The following KCNH7 variants were observed in gnomAD, a reference collection of about 807,000 sequenced individuals.
KCNH7 encodes voltage-gated inwardly rectifying potassium channel KCNH7.
A neutral mutation model predicts 120.8 loss-of-function variants in KCNH7; 49 were observed. The ratio of observed to expected loss-of-function variants is 0.41; its 90% CI spans 0.32 to 0.51. KCNH7 has a LOEUF of 0.51. KCNH7 is among the 20% of genes least tolerant of loss of function. The pLI is 0.38. For missense variants in KCNH7, 1,097 were observed against 1,446.6 expected, an observed-to-expected ratio of 0.76 and a Z score of 3.92; for synonymous variants, 547 against 516.1, an observed-to-expected ratio of 1.06 and a Z score of -0.81.
chr2:162,533,076 C>A (rs1389574313), intron 3 of KCNH7, among the ~76,000 whole-genome samples: 2 of 151,442 alleles, frequency 1.3e-5, no homozygotes, highest in East Asian at 3.9e-4. Flanking sequence ...AAATAGGGAA[C>A]CAAAATACAC....
chr2:162,407,316 A>G (rs1687258237), intron 9 of KCNH7, among the ~76,000 whole-genome samples: 1 of 152,060 alleles, frequency 6.6e-6, no homozygotes. Flanking sequence ...TTGATAATGT[A>G]AAGAGTCCTT....
At chr2:162,386,792 C>T (rs1389785403) in intron 12 of KCNH7, among the ~76,000 whole-genome samples, 1 of 151,686 alleles carries the variant, frequency 6.6e-6, no homozygotes, top group Non-Finnish European at 1.5e-5. Flanking sequence ...GGAATCCTTA[C>T]ACATGGTAGA....
intron 2 of KCNH7, among the ~76,000 whole-genome samples, chr2:162,657,795 TA>T (rs1321555964): frequency 6.6e-6 from 1 of 152,102 alleles, no homozygotes; most frequent in Non-Finnish European, 1.5e-5. Flanking sequence ...CATTTAGGTT[TA>T]CGATCTCCAC....
intron 2 of KCNH7, among the ~76,000 whole-genome samples, chr2:162,621,902 C>A (rs1009149193): frequency 1.3e-5 from 2 of 152,070 alleles, no homozygotes; most frequent in Admixed American, 6.6e-5. Flanking sequence ...ACAAATATTT[C>A]TTTTATGAGA....
At chr2:162,722,050 T>G (rs2105374953) in intron 2 of KCNH7, among the ~76,000 whole-genome samples, 2 of 152,192 alleles carry the variant, frequency 1.3e-5, no homozygotes, top group South Asian at 4.1e-4. Context: ...GGGGTCAGCA[T>G]TCAACATTTC....
chr2:162,824,035 G>A (rs1157454177), intron 2 of KCNH7, among the ~76,000 whole-genome samples: 4 of 151,982 alleles, frequency 2.6e-5, no homozygotes, highest in South Asian at 4.1e-4. Flanking sequence ...GAAAAATCAC[G>A]AATGATATTA....
rs1330807528 is a variant in KCNH7 at position 162,504,466 on chromosome 2, T to G, written c.1105A>C (p.Asn369His). ...IAPKVKDRTH[N>H]VTEKVTQVLS... Reference sequence around the variant, plus strand: ...ACCTGGGTCACTTTCTCAGTCACATTGTGTGTTCGATCTTTAACCTTGGGT... The same window carrying G: ...ACCTGGGTCACTTTCTCAGTCACATGGTGTGTTCGATCTTTAACCTTGGGT... The change falls in exon 6 of 16, where the codon AAT becomes CAT. Residue 369 changes from asparagine to histidine, a missense_variant. Asn to His is a moderately conservative substitution (Grantham distance 68, BLOSUM62 1). Around this residue, in one of 8 missense-constraint regions of KCNH7, gnomAD observed 362 missense variants for 372.2 expected, o/e 0.97. Coordinates refer to ENST00000332142, the MANE Select transcript of KCNH7 (RefSeq NM_033272.4). The G allele has an allele frequency of 1.2e-6, 2 of 1,612,648 alleles. No individual in the cohort carries two copies. Among genetic ancestry groups the G allele is most frequent in the Admixed American group, 3.3e-5 (2 of 59,940 alleles).
chr2:162,383,175 A>G (rs1686474176), intron 13 of KCNH7, among the ~76,000 whole-genome samples: 1 of 151,956 alleles, frequency 6.6e-6, no homozygotes, highest in Non-Finnish European at 1.5e-5. Flanking sequence ...CTAAAACTCA[A>G]GGGGAAAACA....
At chr2:162,729,471 T>C (rs2105388790) in intron 2 of KCNH7, among the ~76,000 whole-genome samples, 1 of 152,320 alleles carries the variant, frequency 6.6e-6, no homozygotes, top group East Asian at 1.9e-4. Context: ...CCCATATACA[T>C]CTTAGAATCA....
intron 6 of KCNH7, among the ~76,000 whole-genome samples, chr2:162,457,299 G>T (rs566722863): frequency 6.6e-6 from 1 of 151,852 alleles, no homozygotes; most frequent in Non-Finnish European, 1.5e-5. Context: ...ATGATTAATT[G>T]AACTATTACG....
At chr2:162,376,363 G>GT (rs1686179520) in intron 14 of KCNH7, among the ~76,000 whole-genome samples, 2 of 146,880 alleles carry the variant, frequency 1.4e-5, no homozygotes, top group African/African-American at 5.3e-5. Context: ...CTCAAAGTGT[G>GT]GTTTGTTTTT....
At chr2:162,379,213 CA>C (rs1433442587) in intron 14 of KCNH7, among the ~76,000 whole-genome samples, 1 of 152,152 alleles carries the variant, frequency 6.6e-6, no homozygotes, top group Non-Finnish European at 1.5e-5. Context: ...AAGTGAAACA[CA>C]ACTAAAGCAT....
intron 2 of KCNH7, among the ~76,000 whole-genome samples, chr2:162,779,144 C>T (rs1259392588): frequency 6.6e-6 from 1 of 151,916 alleles, no homozygotes; most frequent in Non-Finnish European, 1.5e-5. Context: ...AGAGCTTTCA[C>T]CTTAAGAAAA....
intron 6 of KCNH7, among the ~76,000 whole-genome samples, chr2:162,466,061 A>G (rs549681367): frequency 7.4e-4 from 113 of 152,184 alleles, no homozygotes; most frequent in Non-Finnish European, 1.3e-3. Flanking sequence ...TTGCCACTAT[A>G]AACAGTGTCA....
rs1373006014 is a variant in KCNH7 at position 162,371,914 on chromosome 2, G to A, written c.3506C>T (p.Pro1169Leu). 2.5e-6 allele frequency: 4 copies of A among 1,613,756 alleles called. No individual in the cohort carries two copies. Among genetic ancestry groups the A allele is most frequent in the Non-Finnish European group, 2.5e-6 (3 of 1,179,750 alleles). ...GCTTAGGGATGAATCTGGCAAAGAA[G>A]GATGCCTAATTGGATGAACGTAAGT... ...RKTYVHPIRH[P>L]SLPDSSLSTV... is the part of the protein sequence containing the mutation. The change falls in exon 16 of 16, where the codon CCT (proline) becomes CTT (leucine). Residue 1169 changes from proline to leucine, a missense_variant. This residue lies in a region of KCNH7 where 406 missense variants were observed against 410.5 expected (regional missense o/e 0.99). Transcript: ENST00000332142.
chr2:162,432,457 T>C (rs969560896), intron 8 of KCNH7, among the ~76,000 whole-genome samples: 2 of 152,044 alleles, frequency 1.3e-5, no homozygotes, highest in Non-Finnish European at 2.9e-5. Flanking sequence ...CTTGGTGAAT[T>C]TATTTAAATT....
At chr2:162,598,002 C>T (rs1028569736) in intron 2 of KCNH7, among the ~76,000 whole-genome samples, 1 of 152,050 alleles carries the variant, frequency 6.6e-6, no homozygotes, top group African/African-American at 2.4e-5. Flanking sequence ...ACCCCTAAAT[C>T]CCAGTATTCC....
chr2:162,778,537 T>C (rs1013816411), intron 2 of KCNH7, among the ~76,000 whole-genome samples: 4 of 152,194 alleles, frequency 2.6e-5, no homozygotes, highest in Non-Finnish European at 4.4e-5. Flanking sequence ...TGTATATTTT[T>C]CCTGATCTTA....
At chr2:162,786,153 G>A (rs1331098202) in intron 2 of KCNH7, among the ~76,000 whole-genome samples, 1 of 150,984 alleles carries the variant, frequency 6.6e-6, no homozygotes, top group East Asian at 2.0e-4. Context: ...TGAGGCAGGG[G>A]AATTGCTTGA....
Sources: allele counts gnomAD v4.1 joint callset (sites outside exome capture counted in the v4.1 genomes callset), GRCh38; gene constraint gnomAD v4.1.1; regional missense constraint gnomAD v4.1.1; transcripts MANE v1.5; gene names NCBI Gene and HGNC (gene_info 2026-07-23, HGNC 2026-07-21).